The following ACAA1 variants were observed in gnomAD, a reference collection of about 807,000 sequenced individuals.
The protein encoded by ACAA1 is acetyl-CoA acyltransferase 1, also known as 3-ketoacyl-CoA thiolase, peroxisomal.
In ACAA1, 44 loss-of-function variants were observed where a neutral mutation model predicts 48.8. That is an observed-to-expected ratio of 0.90 (90% CI 0.71 to 1.16). The LOEUF (loss-of-function observed/expected upper bound fraction) is 1.16. Among genes scored for constraint, ACAA1 ranks in the 50% most tolerant of loss-of-function variants. The pLI is 0.00. For missense variants in ACAA1, 512 were observed against 562.3 expected (o/e 0.91, Z 0.90); for synonymous variants, 233 against 226.5 (o/e 1.03, Z -0.26).
chr3:38,125,962 C>T (rs1051824410), intron 9 of ACAA1, 81 bp from the exon 10 acceptor site: 3 of 1,591,510 alleles, frequency 1.9e-6, no homozygotes, highest in Non-Finnish European at 2.6e-6. Context: ...GGCCTACAGG[C>T]TGCCTGGTGT....
rs1166491555 is a variant in ACAA1 at position 38,123,116 on chromosome 3, G to A, written c.1206C>T (p.Tyr402=). The change falls in exon 12 of 12, where the codon TAC becomes TAT. Residue 402 remains tyrosine, a synonymous_variant. Transcript: ENST00000333167. ...NELKRRGKRA[Y]GVVSMCIGTG... ...TCCCGATGCACATGGACACCACTCC[G>A]TATGCCCTGTGAAAACAAAACTTAA... 7.4e-6 allele frequency: 12 copies of A among 1,613,958 alleles called. No homozygotes were observed. Among genetic ancestry groups the A allele is most frequent in the African/African-American group, 1.3e-5 (1 of 74,920 alleles).
chr3:38,123,181 A>T, intron 11 of ACAA1, 59 bp from the exon 12 acceptor site: 1 of 1,530,654 alleles, frequency 6.5e-7, no homozygotes, highest in Non-Finnish European at 9.1e-7. Context: ...CCTCCAGACC[A>T]GGCTGACCCA....
chr3:38,127,628 A>G (rs1239034672), intron 7 of ACAA1, 158 bp downstream of exon 7: 7 of 678,200 alleles, frequency 1.0e-5, no homozygotes, highest in African/African-American at 3.5e-5. Context: ...AGTGGCCCTG[A>G]CACTTCCTAC....
At position 38,125,611 on chromosome 3, in the gene ACAA1, G is replaced by T. The variant is rs770705389; in HGVS notation, c.1153C>A (p.Arg385=). 5 of 1,594,832 alleles carry T rather than the reference G, an allele frequency of 3.1e-6. No homozygotes were observed. The highest frequency in any genetic ancestry group is 2.2e-5 in the East Asian group (1 of 44,678). ...LGHPLGCTGA[R]QVITLLNELK... is the part of the protein sequence containing the mutation. Reference sequence around the variant, plus strand: ...TCATTGAGCAGCGTGATGACCTGTCGTGCCCCAGTGCAGCCCAGTGGGTGC... The same window carrying T: ...TCATTGAGCAGCGTGATGACCTGTCTTGCCCCAGTGCAGCCCAGTGGGTGC... The change falls in exon 11 of 12, where the codon CGA becomes AGA. Residue 385 remains arginine (R), a synonymous_variant. Transcript: ENST00000333167.
chr3:38,126,075 G>T lies in ACAA1; in HGVS notation c.997+87C>A. 6.5e-7 allele frequency: 1 copy of T among 1,526,808 alleles called. No individual in the cohort carries two copies. Among genetic ancestry groups the T allele is most frequent in the Non-Finnish European group, 8.9e-7 (1 of 1,120,208 alleles). 94.6% of individuals were successfully genotyped at this position (1,526,808 alleles called of 1,614,324 possible). A position where few individuals can be genotyped will look rare whatever the true frequency, so the allele number is the denominator to read the frequency against. On this transcript the variant is annotated intron_variant, in intron 9 of 11. Coordinates refer to ENST00000333167, the MANE Select transcript of ACAA1 (RefSeq NM_001607.4). This position sits in a 1 kb window ranked among gnomAD's most constrained non-coding sequence, Gnocchi z 4.7. ...CACCTCCACTCTGCAGCACCCACAG[G>T]ACCACCCTCATGCCCCTGGCAACAG... is the stretch of plus-strand genomic sequence containing the variant.
At chr3:38,134,964 C>T (rs773172097) in intron 2 of ACAA1, among the ~76,000 whole-genome samples, 59 of 151,808 alleles carry the variant, frequency 3.9e-4, no homozygotes, top group Admixed American at 5.9e-4. Flanking sequence ...TCCCTGGGAA[C>T]GGAATGTCTC....
rs996932704 is a variant in ACAA1, at chr3:38,122,856, C to G, written c.*191G>C. On this transcript the variant is annotated 3_prime_UTR_variant, in exon 12 of 12. Coordinates refer to ENST00000333167, the MANE Select transcript of ACAA1 (RefSeq NM_001607.4). ...GCTAAAGAGGGTCTGATGGGTGGCTCAACACCCCACCCACTCCTATACCAT... is the reference window on the plus strand; with the variant it reads ...GCTAAAGAGGGTCTGATGGGTGGCTGAACACCCCACCCACTCCTATACCAT... The G allele has an allele frequency of 4.2e-5, 33 of 780,742 alleles. No individual in the cohort carries two copies. The highest frequency in any genetic ancestry group is 6.4e-5 in the Non-Finnish European group (32 of 501,262). The allele number at this position is 780,742 out of a possible 1,614,324, so 48.4% of individuals were successfully genotyped here.
At position 38,126,724 on chromosome 3, in the gene ACAA1, C is replaced by T; in HGVS notation, c.627-24G>A. ...CCCTGCCAGCACCATGGACAGCCAG[C>T]TTCAGACTCCCTTGGGGTTCCCTTC... On this transcript the variant is annotated intron_variant, in intron 7 of 11. Transcript: ENST00000333167. This position sits in a 1 kb window ranked among gnomAD's most constrained non-coding sequence, Gnocchi z 4.7. 1 of 1,612,368 alleles carries T rather than the reference C, an allele frequency of 6.2e-7. No homozygotes were observed.
intron 5 of ACAA1, among the ~76,000 whole-genome samples, chr3:38,130,808 C>T (rs773762683): frequency 3.3e-5 from 5 of 152,254 alleles, no homozygotes; most frequent in Non-Finnish European, 7.3e-5. Context: ...AACTCAGTGA[C>T]AGCTGCCACA....
chr3:38,137,050 C>A lies in ACAA1; in HGVS notation c.-15G>T. On this transcript the variant is annotated 5_prime_UTR_variant, in exon 1 of 12. It adds an upstream start codon to the 5' untranslated region. Coordinates refer to ENST00000333167, the MANE Select transcript of ACAA1 (RefSeq NM_001607.4). ...AGCCTCTGCATTGCGCAGGTCAACC[C>A]TGCAGACCAGCCACCAGTCCGGGAA... is the stretch of plus-strand genomic sequence containing the variant. The A allele has an allele frequency of 6.5e-7, 1 of 1,544,808 alleles. No individual in the cohort carries two copies. The highest frequency in any genetic ancestry group is 1.2e-5 in the South Asian group (1 of 83,048).
rs1700709379 is a variant in ACAA1, at chr3:38,127,836, A to T, written c.576T>A (p.Phe192Leu). The change falls in exon 7 of 12, where the codon TTT becomes TTA. Residue 192 changes from phenylalanine to leucine, a missense_variant. Coordinates refer to ENST00000333167, the MANE Select transcript of ACAA1 (RefSeq NM_001607.4). ...GITSENVAER[F>L]GISREKQDTF... is the part of the protein sequence containing the mutation. ...TATCCTGCTTCTCCCGTGAAATGCC[A>T]AACCGCTCAGCCACATTCTCAGAGG... The T allele has an allele frequency of 6.2e-7, 1 of 1,614,098 alleles. No individual in the cohort carries two copies. Among genetic ancestry groups the T allele is most frequent in the Admixed American group, 1.7e-5 (1 of 60,002 alleles).
chr3:38,136,557 G>A (rs1700897680), intron 2 of ACAA1, 35 bp downstream of exon 2: 2 of 1,607,758 alleles, frequency 1.2e-6, no homozygotes, highest in African/African-American at 2.7e-5. Context: ...GAAGAACGGG[G>A]AAGGCCCAGC....
intron 6 of ACAA1, among the ~76,000 whole-genome samples, chr3:38,128,818 C>G (rs560212190): frequency 1.2e-4 from 18 of 152,292 alleles, no homozygotes; most frequent in Non-Finnish European, 1.9e-4. Context: ...GTCTCGATCT[C>G]CTGACCTTGT....
chr3:38,125,663 G>A lies in ACAA1; in HGVS notation c.1101C>T (p.Asn367=). The A allele has an allele frequency of 6.3e-7, 1 of 1,599,160 alleles. No homozygotes were observed. The highest frequency in any genetic ancestry group is 8.5e-7 in the Non-Finnish European group (1 of 1,171,424). The stretch of plus-strand genomic sequence containing the variant: ...CTAAGGCCACTGCACCCCCCAGGGG[G>A]TTCACCTTCTCAGGGGGGAGTCGTA... The part of the protein sequence containing the change: ...EKLRLPPEKV[N]PLGGAVALGH... The change falls in exon 11 of 12, where the codon AAC becomes AAT. Residue 367 remains asparagine, a synonymous_variant. Transcript: ENST00000333167.
chr3:38,129,257 G>C lies in ACAA1; in HGVS notation c.545+33C>G. 2 of 1,590,848 alleles carry C rather than the reference G, an allele frequency of 1.3e-6. No homozygotes were observed. Among genetic ancestry groups the C allele is most frequent in the African/African-American group, 2.7e-5 (2 of 74,472 alleles). On this transcript the variant is annotated intron_variant, in intron 6 of 11. Coordinates refer to ENST00000333167, the MANE Select transcript of ACAA1 (RefSeq NM_001607.4). The surrounding 1 kb of genome is among the most constrained non-coding windows in gnomAD (Gnocchi z 5.3). ...TTGGCTCCCTGCCCCAGGCAGAGAG[G>C]GCACAAGCACACAGAGCTATGGGAG... is the stretch of plus-strand genomic sequence containing the variant.
At chr3:38,123,163 C>G in intron 11 of ACAA1, 41 bp from the exon 12 acceptor site, 1 of 1,588,734 alleles carries the variant, frequency 6.3e-7, no homozygotes, top group Non-Finnish European at 8.6e-7. Context: ...AAGGCACCCA[C>G]CAAATTACCT....
At chr3:38,133,243 G>T (rs1298521343) in intron 3 of ACAA1, among the ~76,000 whole-genome samples, 1 of 152,116 alleles carries the variant, frequency 6.6e-6, no homozygotes, top group Non-Finnish European at 1.5e-5. Context: ...TAGGCCCACA[G>T]CCGGCTGAAC....
At chr3:38,130,938 T>G (rs1179835698) in intron 5 of ACAA1, among the ~76,000 whole-genome samples, 1 of 152,172 alleles carries the variant, frequency 6.6e-6, no homozygotes, top group Non-Finnish European at 1.5e-5. Flanking sequence ...GCCAAAGACC[T>G]TACTCCCCTG....
At chr3:38,133,909 G>A in intron 3 of ACAA1, 43 bp downstream of exon 3, 1 of 1,605,564 alleles carries the variant, frequency 6.2e-7, no homozygotes, top group Middle Eastern at 1.7e-4. Flanking sequence ...GCCCAGTAAA[G>A]TGTCAAAATG....
Sources: allele counts gnomAD v4.1 joint callset (sites outside exome capture counted in the v4.1 genomes callset), GRCh38; gene constraint gnomAD v4.1.1; non-coding constraint Gnocchi (gnomAD v3.1); transcripts MANE v1.5; gene names NCBI Gene and HGNC (gene_info 2026-07-23, HGNC 2026-07-21).